The following OR13C5 variants were observed in gnomAD, a reference collection of about 807,000 sequenced individuals.
The protein encoded by OR13C5 is olfactory receptor 13C5.
Under a neutral mutation model 12.4 loss-of-function variants are expected in OR13C5, and 9 were observed. The observed-to-expected ratio is 0.72, with a 90% CI of 0.44 to 1.26. The LOEUF is 1.26. Ranked by LOEUF, OR13C5 falls within the 50% of genes most tolerant of loss-of-function variation. OR13C5 has a pLI of 0.00. For missense variants in OR13C5, 361 were observed against 374.4 expected (o/e 0.96, Z 0.29); for synonymous variants, 124 against 139.4 (o/e 0.89, Z 0.78).
In OR13C5 at chr9:104,599,327, C is replaced by T. The variant is rs777496381; in HGVS notation, c.87G>A (p.Val29=). Residue 29 remains valine (V), a synonymous_variant, in exon 1 of 1, where the codon GTG becomes GTA. Coordinates refer to ENST00000374779, the MANE Select transcript of OR13C5 (RefSeq NM_001004482.1). ...GHPRLELLFF[V]LIFIMYVVIL... is the part of the protein sequence containing the mutation. ...TGACCACATACATTATGAAGATGAG[C>T]ACAAAAAAGAGTAACTCAAGTCTTG... 13 of 1,596,088 alleles carry T rather than the reference C, an allele frequency of 8.1e-6. No homozygotes were observed. The highest frequency in any genetic ancestry group is 4.1e-5 in the African/African-American group (3 of 73,424).
Position 104,599,161 on chromosome 9 carries a change from A to G in OR13C5, c.253T>C (p.Phe85Leu), listed in dbSNP as rs1037307705. 6.2e-7 allele frequency: 1 copy of G among 1,612,704 alleles called. No individual in the cohort carries two copies. Among genetic ancestry groups the G allele is most frequent in the African/African-American group, 1.3e-5 (1 of 74,496 alleles). Residue 85 changes from phenylalanine (F) to leucine (L), a missense_variant, in exon 1 of 1, where the codon TTC becomes CTC. Physicochemically the swap from Phe to Leu is conservative, Grantham distance 22. Transcript: ENST00000374779. ...TTSIPSTLVSFLSERKTISLS... is the reference protein window; with the variant it reads ...TTSIPSTLVSLLSERKTISLS... ...GAAATGGTCTTTCTTTCTGAAAGGAAGCTCACTAGCGTGGAGGGAATAGAG... is the reference window on the plus strand; with the variant it reads ...GAAATGGTCTTTCTTTCTGAAAGGAGGCTCACTAGCGTGGAGGGAATAGAG...
At position 104,598,972 on chromosome 9, in the gene OR13C5, A is replaced by G. The variant is rs1588128281; in HGVS notation, c.442T>C (p.Ser148Pro). The G allele has an allele frequency of 6.2e-7, 1 of 1,613,792 alleles. No individual in the cohort carries two copies. The change falls in exon 1 of 1, where the codon TCC becomes CCC. Residue 148 changes from serine (S) to proline (P), a missense_variant. Transcript: ENST00000374779. ...KDAYVPMAAG[S>P]WIIGAVNSAV... ...GAATTGACAGCTCCTATGATCCAGG[A>G]CCCAGCTGCCATGGGTACATAGGCA...
In OR13C5 at chr9:104,598,556, C is replaced by T. The variant is rs773990630; in HGVS notation, c.858G>A (p.Val286=). ...TTAAAGGATTCATCATGGGAGTCAT[C>T]ACCCTGTAGAATATGAATATAAGTT... ...TDKLIFIFYR[V]MTPMMNPLIY... The change falls in exon 1 of 1, where the codon GTG becomes GTA. Residue 286 remains valine (V), a synonymous_variant. Transcript: ENST00000374779. The T allele has an allele frequency of 6.2e-7, 1 of 1,613,336 alleles. No homozygotes were observed. The highest frequency in any genetic ancestry group is 8.5e-7 in the Non-Finnish European group (1 of 1,179,532).
chr9:104,598,468 A>G lies in OR13C5; in HGVS notation c.946T>C (p.Phe316Leu). 1.3e-6 allele frequency: 2 copies of G among 1,524,262 alleles called. No homozygotes were observed. The highest frequency in any genetic ancestry group is 2.5e-5 in the South Asian group (2 of 78,906). 94.4% of individuals were successfully genotyped at this position (1,524,262 alleles called of 1,614,324 possible). Residue 316 changes from phenylalanine (F) to leucine (L), a missense_variant, in exon 1 of 1, where the codon TTT (phenylalanine) becomes CTT (leucine). Physicochemically the swap from Phe to Leu is conservative, Grantham distance 22. This residue lies in a region of OR13C5 where 294 missense variants were observed against 268.0 expected (regional missense o/e 1.10). Transcript: ENST00000374779. Reference protein sequence around the residue: ...AVKHLLRRKNFNK With the variant: ...AVKHLLRRKNLNK ...CTCACCTTTCTCATTTACTTGTTAA[A>G]ATTTTTTCTTCTCAGTAGGTGTTTT...
In OR13C5 at chr9:104,599,116, G is replaced by A. The variant is rs574372617; in HGVS notation, c.298C>T (p.Gln100Ter). ...KTISLSGCAV[Q>*]MFLSLAMGTT... ...CCCATGGCCAAGCTGAGGAACATCT[G>A]CACTGCACAGCCAGAAAGGGAAATG... Residue 100 changes from glutamine (Q) to a stop codon, truncating the protein, a stop_gained, in exon 1 of 1, where the codon CAG becomes TAG. Transcript: ENST00000374779. LOFTEE classifies it high-confidence loss of function. 7 of 1,613,350 alleles carry A rather than the reference G, an allele frequency of 4.3e-6. No individual in the cohort carries two copies. The East Asian group carries it at 1.3e-4, about 31-fold the overall frequency.
In OR13C5 at chr9:104,598,470, T is replaced by G. The variant is rs748795360; in HGVS notation, c.944A>C (p.Asn315Thr). The change falls in exon 1 of 1, where the codon AAT becomes ACT. Residue 315 changes from asparagine (N) to threonine (T), a missense_variant. By Grantham distance (65) the Asn-to-Thr change is moderately conservative. Coordinates refer to ENST00000374779, the MANE Select transcript of OR13C5 (RefSeq NM_001004482.1). ...EAVKHLLRRK[N>T]FNK ...CACCTTTCTCATTTACTTGTTAAAA[T>G]TTTTTCTTCTCAGTAGGTGTTTTAC... is the stretch of plus-strand genomic sequence containing the variant. 4.6e-6 allele frequency: 7 copies of G among 1,523,564 alleles called. No homozygotes were observed. In the Admixed American group the frequency reaches 1.5e-4, roughly 33 times the overall value. 94.4% of individuals were successfully genotyped at this position (1,523,564 alleles called of 1,614,324 possible). A position where few individuals can be genotyped will look rare whatever the true frequency, so the allele number is the denominator to read the frequency against.
At position 104,598,479 on chromosome 9, in the gene OR13C5, C is replaced by T; in HGVS notation, c.935G>A (p.Arg312Lys). 6.5e-7 allele frequency: 1 copy of T among 1,535,410 alleles called. No homozygotes were observed. Among genetic ancestry groups the T allele is most frequent in the Non-Finnish European group, 8.7e-7 (1 of 1,152,698 alleles). ...CATTTACTTGTTAAAATTTTTTCTT[C>T]TCAGTAGGTGTTTTACTGCCTCCTT... is the stretch of plus-strand genomic sequence containing the variant. Reference protein sequence around the residue: ...DVKEAVKHLLRRKNFNK With the variant: ...DVKEAVKHLLKRKNFNK Residue 312 changes from arginine (R) to lysine (K), a missense_variant, in exon 1 of 1, where the codon AGA becomes AAA. By Grantham distance (26) the Arg-to-Lys change is conservative. Transcript: ENST00000374779.
In OR13C5 at chr9:104,598,845, G is replaced by T. The variant is rs370299396; in HGVS notation, c.569C>A (p.Ala190Asp). 1 of 1,614,088 alleles carries T rather than the reference G, an allele frequency of 6.2e-7. No homozygotes were observed. The highest frequency in any genetic ancestry group is 8.5e-7 in the Non-Finnish European group (1 of 1,179,978). The change falls in exon 1 of 1, where the codon GCT (alanine) becomes GAT (aspartate). Residue 190 changes from alanine (A) to aspartate (D), a missense_variant. Physicochemically the swap from Ala to Asp is moderately radical, Grantham distance 126 (BLOSUM62 -2). Coordinates refer to ENST00000374779, the MANE Select transcript of OR13C5 (RefSeq NM_001004482.1). ...GATGAACTCATTGCCTGAGATGTCAGCACAGGCCAGTTTCATGACAGCTAG... is the reference window on the plus strand; with the variant it reads ...GATGAACTCATTGCCTGAGATGTCATCACAGGCCAGTTTCATGACAGCTAG... The part of the protein sequence containing the change: ...EILAVMKLAC[A>D]DISGNEFILL...
rs915806837 is a variant in OR13C5 at position 104,598,661 on chromosome 9, G to T, written c.753C>A (p.Phe251Leu). The change falls in exon 1 of 1, where the codon TTC (phenylalanine) becomes TTA (leucine). Residue 251 changes from phenylalanine to leucine, a missense_variant. Transcript: ENST00000374779. ...TGTACATGAGGAAGATGGTCCCACA[G>T]AATGTTATCACCACAGTCAGACGAG... ...CSARLTVVITFCGTIFLMYMK... is the reference protein window; with the variant it reads ...CSARLTVVITLCGTIFLMYMK... 3 of 1,613,840 alleles carry T rather than the reference G, an allele frequency of 1.9e-6. No homozygotes were observed. In the African/African-American group the frequency reaches 4.0e-5, roughly 22 times the overall value.
Position 104,598,743 on chromosome 9 carries a change from C to T in OR13C5, c.671G>A (p.Ser224Asn). Residue 224 changes from serine to asparagine, a missense_variant, in exon 1 of 1, where the codon AGC becomes AAC. Around this residue, in one of 2 missense-constraint regions of OR13C5, gnomAD observed 294 missense variants for 268.0 expected, o/e 1.10. Coordinates refer to ENST00000374779, the MANE Select transcript of OR13C5 (RefSeq NM_001004482.1). ...IIVSYTLIILSIFKISSSEGR... is the reference protein window; with the variant it reads ...IIVSYTLIILNIFKISSSEGR... ...CTCCGAAGAGCTAATTTTGAAGATGCTCAAAATGATTAACGTGTAAGAGAC... is the reference window on the plus strand; with the variant it reads ...CTCCGAAGAGCTAATTTTGAAGATGTTCAAAATGATTAACGTGTAAGAGAC... The T allele has an allele frequency of 1.2e-6, 2 of 1,613,884 alleles. No individual in the cohort carries two copies. Among genetic ancestry groups the T allele is most frequent in the East Asian group, 2.2e-5 (1 of 44,858 alleles).
chr9:104,598,946 A>C lies in OR13C5; in HGVS notation c.468T>G (p.Ser156=). ...AGSWIIGAVN[S]AVQTVFVVQL... is the part of the protein sequence containing the mutation. ...GTACCACAAACACTGTTTGTACTGC[A>C]GAATTGACAGCTCCTATGATCCAGG... Residue 156 remains serine (S), a synonymous_variant, in exon 1 of 1, where the codon TCT becomes TCG. Transcript: ENST00000374779. The C allele has an allele frequency of 6.2e-7, 1 of 1,614,050 alleles. No homozygotes were observed. Among genetic ancestry groups the C allele is most frequent in the Non-Finnish European group, 8.5e-7 (1 of 1,179,976 alleles).
rs1354552424 is a variant in OR13C5, at chr9:104,599,307, A to G, written c.107T>C (p.Val36Ala). 1 of 1,607,696 alleles carries G rather than the reference A, an allele frequency of 6.2e-7. No individual in the cohort carries two copies. Among genetic ancestry groups the G allele is most frequent in the African/African-American group, 1.3e-5 (1 of 74,266 alleles). ...LFFVLIFIMY[V>A]VILLGNGTLI... ...AGTACCATTCCCCAGAAGGATGACC[A>G]CATACATTATGAAGATGAGCACAAA... The change falls in exon 1 of 1, where the codon GTG (valine) becomes GCG (alanine). Residue 36 changes from valine (V) to alanine (A), a missense_variant. Around this residue, in one of 2 missense-constraint regions of OR13C5, gnomAD observed 67 missense variants for 106.4 expected, o/e 0.63. Coordinates refer to ENST00000374779, the MANE Select transcript of OR13C5 (RefSeq NM_001004482.1).
Position 104,598,832 on chromosome 9 carries a change from G to A in OR13C5, c.582C>T (p.Gly194=). 1 of 1,614,062 alleles carries A rather than the reference G, an allele frequency of 6.2e-7. No individual in the cohort carries two copies. Among genetic ancestry groups the A allele is most frequent in the East Asian group, 2.2e-5 (1 of 44,874 alleles). Residue 194 remains glycine, a synonymous_variant, in exon 1 of 1, where the codon GGC becomes GGT. Coordinates refer to ENST00000374779, the MANE Select transcript of OR13C5 (RefSeq NM_001004482.1). ...VMKLACADIS[G]NEFILLVTTT... Reference sequence around the variant, plus strand: ...TGGTCACAAGCAGGATGAACTCATTGCCTGAGATGTCAGCACAGGCCAGTT... The same window carrying A: ...TGGTCACAAGCAGGATGAACTCATTACCTGAGATGTCAGCACAGGCCAGTT...
Position 104,598,702 on chromosome 9 carries a change from A to G in OR13C5, c.712T>C (p.Ser238Pro). The G allele has an allele frequency of 6.2e-7, 1 of 1,613,960 alleles. No homozygotes were observed. Among genetic ancestry groups the G allele is most frequent in the Non-Finnish European group, 8.5e-7 (1 of 1,179,930 alleles). Reference sequence around the variant, plus strand: ...GTCAGACGAGCTGAGCAGGTAGAGGAAGGTTTGCTTCTCCCCTCCGAAGAG... The same window carrying G: ...GTCAGACGAGCTGAGCAGGTAGAGGGAGGTTTGCTTCTCCCCTCCGAAGAG... ...ISSSEGRSKP[S>P]STCSARLTVV... Residue 238 changes from serine to proline, a missense_variant, in exon 1 of 1, where the codon TCC becomes CCC. By Grantham distance (74) the Ser-to-Pro change is moderately conservative (BLOSUM62 -1). Coordinates refer to ENST00000374779, the MANE Select transcript of OR13C5 (RefSeq NM_001004482.1).
At position 104,599,075 on chromosome 9, in the gene OR13C5, C is replaced by T; in HGVS notation, c.339G>A (p.Val113=). ...GGTCAAAGGCCATCACGCCCAGAAG[C>T]ACACACTCTGTTGTCCCCATGGCCA... The part of the protein sequence containing the change: ...LSLAMGTTEC[V]LLGVMAFDRY... The change falls in exon 1 of 1, where the codon GTG becomes GTA. Residue 113 remains valine (V), a synonymous_variant. Coordinates refer to ENST00000374779, the MANE Select transcript of OR13C5 (RefSeq NM_001004482.1). 5 of 1,613,144 alleles carry T rather than the reference C, an allele frequency of 3.1e-6. No homozygotes were observed. Among genetic ancestry groups the T allele is most frequent in the Non-Finnish European group, 4.2e-6 (5 of 1,179,936 alleles).
At position 104,599,038 on chromosome 9, in the gene OR13C5, T is replaced by G. The variant is rs368167130; in HGVS notation, c.376A>C (p.Ile126Leu). ...GVMAFDRYVAICNPLRYPIIM... is the reference protein window; with the variant it reads ...GVMAFDRYVALCNPLRYPIIM... ...ATGGGATATCTCAGAGGGTTGCAGA[T>G]AGCCACATAGCGGTCAAAGGCCATC... Residue 126 changes from isoleucine (I) to leucine (L), a missense_variant, in exon 1 of 1, where the codon ATC (isoleucine) becomes CTC (leucine). Transcript: ENST00000374779. The G allele has an allele frequency of 1.9e-6, 3 of 1,613,552 alleles. No individual in the cohort carries two copies. The highest frequency in any genetic ancestry group is 1.7e-6 in the Non-Finnish European group (2 of 1,179,920).
At position 104,598,644 on chromosome 9, in the gene OR13C5, A is replaced by G. The variant is rs1368544116; in HGVS notation, c.770T>C (p.Leu257Pro). The stretch of plus-strand genomic sequence containing the variant: ...TTGAGACTTGGGCTTCATGTACATG[A>G]GGAAGATGGTCCCACAGAATGTTAT... ...VVITFCGTIF[L>P]MYMKPKSQET... The change falls in exon 1 of 1, where the codon CTC becomes CCC. Residue 257 changes from leucine (L) to proline (P), a missense_variant. Coordinates refer to ENST00000374779, the MANE Select transcript of OR13C5 (RefSeq NM_001004482.1). 1 of 1,613,992 alleles carries G rather than the reference A, an allele frequency of 6.2e-7. No homozygotes were observed. The highest frequency in any genetic ancestry group is 8.5e-7 in the Non-Finnish European group (1 of 1,179,946).
At position 104,599,201 on chromosome 9, in the gene OR13C5, G is replaced by C. The variant is rs1207857981; in HGVS notation, c.213C>G (p.Ile71Met). 6.2e-7 allele frequency: 1 copy of C among 1,611,022 alleles called. No homozygotes were observed. Among genetic ancestry groups the C allele is most frequent in the Non-Finnish European group, 8.5e-7 (1 of 1,178,490 alleles). Residue 71 changes from isoleucine to methionine, a missense_variant, in exon 1 of 1, where the codon ATC becomes ATG. Ile to Met is a conservative substitution (Grantham distance 10). Coordinates refer to ENST00000374779, the MANE Select transcript of OR13C5 (RefSeq NM_001004482.1). ...AGGGAATAGAGGTGGTGGTGTAGCA[G>C]ATGTCCAAGAAGGAGAGGTTCCCCA... is the stretch of plus-strand genomic sequence containing the variant. Reference protein sequence around the residue: ...FFLGNLSFLDICYTTTSIPST... With the variant: ...FFLGNLSFLDMCYTTTSIPST...
chr9:104,598,570 T>G lies in OR13C5; in HGVS notation c.844A>C (p.Ile282Leu), dbSNP rs1523678. Residue 282 changes from isoleucine (I) to leucine (L), a missense_variant, in exon 1 of 1, where the codon ATA becomes CTA. Around this residue, in one of 2 missense-constraint regions of OR13C5, gnomAD observed 294 missense variants for 268.0 expected, o/e 1.10. Transcript: ENST00000374779. ...DLDATDKLIF[I>L]FYRVMTPMMN... is the part of the protein sequence containing the mutation. The stretch of plus-strand genomic sequence containing the variant: ...ATGGGAGTCATCACCCTGTAGAATA[T>G]GAATATAAGTTTGTCAGTGGCATCC... 1.7e-5 allele frequency: 27 copies of G among 1,612,736 alleles called. No homozygotes were observed. The highest frequency in any genetic ancestry group is 2.3e-5 in the Non-Finnish European group (27 of 1,179,332).
Sources: gnomAD v4.1 joint callset for allele counts on GRCh38, gnomAD v4.1.1 for gene constraint, gnomAD v4.1.1 regional missense constraint, MANE v1.5 for transcripts, NCBI Gene and HGNC (gene_info 2026-07-23, HGNC 2026-07-21) for gene names.